The following DEPDC5 variants were observed in gnomAD, a reference collection of about 807,000 sequenced individuals.
DEPDC5 encodes the protein GATOR1 complex protein DEPDC5.
Under a neutral mutation model 217.3 loss-of-function variants are expected in DEPDC5, and 73 were observed. That is an observed-to-expected ratio of 0.34 (90% confidence interval 0.28 to 0.41). The LOEUF (loss-of-function observed/expected upper bound fraction) is 0.41, where lower values mean the gene tolerates loss of function less well. DEPDC5 is among the 10% of genes least tolerant of loss of function. The pLI is 1.00. For missense variants in DEPDC5, 1,675 were observed against 2,070.1 expected (o/e 0.81, Z 3.70); for synonymous variants, 733 against 756.7 (o/e 0.97, Z 0.51).
intron 33 of DEPDC5, among the ~76,000 whole-genome samples, chr22:31,864,784 G>T (rs1001951647): frequency 2.6e-5 from 4 of 151,594 alleles, no homozygotes; most frequent in Non-Finnish European, 2.9e-5. Context: ...CGCCTCCTGG[G>T]TTCAAGTGAT....
chr22:31,828,395 T>G (rs939756930), intron 24 of DEPDC5, among the ~76,000 whole-genome samples: 2 of 136,550 alleles, frequency 1.5e-5, no homozygotes, highest in Admixed American at 8.9e-5. Flanking sequence ...GAGGTTGCAG[T>G]GAGCCAAGGT....
chr22:31,834,032 G>A (rs1197500168), intron 25 of DEPDC5, 52 bp downstream of exon 25: 15 of 1,572,306 alleles, frequency 9.5e-6, no homozygotes, highest in African/African-American at 1.3e-5. Flanking sequence ...GTGTGGGGTG[G>A]TCAGAGCATG....
At chr22:31,827,155 C>A (rs2090216893) in intron 24 of DEPDC5, among the ~76,000 whole-genome samples, 1 of 151,996 alleles carries the variant, frequency 6.6e-6, no homozygotes, top group South Asian at 2.1e-4. Context: ...TAAGTGGGGT[C>A]ATCTTTTCCC....
chr22:31,893,745 C>T lies in DEPDC5; in HGVS notation c.4197C>T (p.Phe1399=), dbSNP rs913663381. ...HWMAVTAAVL[F]EMVQGWHRKA... is the part of the protein sequence containing the mutation. ...TGGCGGTGACCGCAGCAGTACTCTT[C>T]GAGATGGTGAGAACCTTCATGCATG... The change falls in exon 39 of 43, where the codon TTC becomes TTT. Residue 1399 remains phenylalanine, a synonymous_variant. Coordinates refer to ENST00000651528, the MANE Select transcript of DEPDC5 (RefSeq NM_001242896.3). The T allele has an allele frequency of 1.2e-5, 19 of 1,601,474 alleles. No homozygotes were observed. The highest frequency in any genetic ancestry group is 3.5e-5 in the Admixed American group (2 of 57,334).
intron 3 of DEPDC5, among the ~76,000 whole-genome samples, chr22:31,760,100 C>T (rs1191522054): frequency 2.0e-5 from 3 of 149,182 alleles, no homozygotes; most frequent in Non-Finnish European, 4.4e-5. Context: ...CGGAGTCTTG[C>T]TCTGTCGCCC....
At position 31,784,892 on chromosome 22, in the gene DEPDC5, A is replaced by G. The variant is rs536093289; in HGVS notation, c.624+17A>G. ...AAGTGGAAGGTACATTTCTTCTTAC[A>G]CACTAAGTCTCATTATGTAAACATT... On this transcript the variant is annotated intron_variant, in intron 10 of 42. Coordinates refer to ENST00000651528, the MANE Select transcript of DEPDC5 (RefSeq NM_001242896.3). 1 of 1,605,944 alleles carries G rather than the reference A, an allele frequency of 6.2e-7. No homozygotes were observed. The highest frequency in any genetic ancestry group is 1.3e-5 in the African/African-American group (1 of 74,864).
At chr22:31,866,085 G>A (rs1412101548) in intron 33 of DEPDC5, among the ~76,000 whole-genome samples, 1 of 152,176 alleles carries the variant, frequency 6.6e-6, no homozygotes, top group Non-Finnish European at 1.5e-5. Flanking sequence ...ACAAGCCCAC[G>A]AGGTGGAAGG....
At chr22:31,783,087 C>T (rs554691963) in intron 8 of DEPDC5, among the ~76,000 whole-genome samples, 39 of 152,142 alleles carry the variant, frequency 2.6e-4, no homozygotes, top group African/African-American at 9.4e-4. Context: ...CACCAATCAG[C>T]GCTCTGTGTC....
At chr22:31,799,651 A>C (rs2086648419) in intron 14 of DEPDC5, among the ~76,000 whole-genome samples, 1 of 148,926 alleles carries the variant, frequency 6.7e-6, no homozygotes, top group East Asian at 2.0e-4. Flanking sequence ...ACAGGTGTGC[A>C]CCACCATGCC....
rs1244795493 is a variant in DEPDC5, at chr22:31,821,620, T to C, written c.1989T>C (p.Tyr663=). The part of the protein sequence containing the change: ...HSSAELLELA[Y]HEAAGRHSNS... The stretch of plus-strand genomic sequence containing the variant: ...CTGCAGAGCTGCTGGAGTTAGCATA[T>C]CATGAAGCTGCTGGAAGGTGAGGAT... The change falls in exon 23 of 43, where the codon TAT becomes TAC. Residue 663 remains tyrosine, a synonymous_variant. Coordinates refer to ENST00000651528, the MANE Select transcript of DEPDC5 (RefSeq NM_001242896.3). 6.2e-7 allele frequency: 1 copy of C among 1,613,670 alleles called. No homozygotes were observed. Among genetic ancestry groups the C allele is most frequent in the Admixed American group, 1.7e-5 (1 of 60,022 alleles).
At chr22:31,896,444 A>T (rs142605464) in intron 39 of DEPDC5, among the ~76,000 whole-genome samples, 267 of 152,310 alleles carry the variant, frequency 1.8e-3, no homozygotes, top group African/African-American at 5.5e-3. Flanking sequence ...GTTTAAGTCA[A>T]GCTGTGTCCC....
rs1350643478 is a variant in DEPDC5, at chr22:31,906,321, T to C, written c.4636T>C (p.Tyr1546His). ...CATGTTCTGCGAGGAGCGGGTCGGCTACAACTGGGCCTACAACACCATGCT... is the reference window on the plus strand; with the variant it reads ...CATGTTCTGCGAGGAGCGGGTCGGCCACAACTGGGCCTACAACACCATGCT... ...QNMFCEERVGYNWAYNTMLTK... is the reference protein window; with the variant it reads ...QNMFCEERVGHNWAYNTMLTK... The change falls in exon 43 of 43, where the codon TAC (tyrosine) becomes CAC (histidine). Residue 1546 changes from tyrosine (Y) to histidine (H), a missense_variant. Physicochemically the swap from Tyr to His is moderately conservative, Grantham distance 83. Around this residue, in one of 11 missense-constraint regions of DEPDC5, gnomAD observed 42 missense variants for 27.7 expected, o/e 1.51. Transcript: ENST00000651528. The surrounding 1 kb of genome is among the most constrained non-coding windows in gnomAD (Gnocchi z 5.1). 3.7e-6 allele frequency: 6 copies of C among 1,613,856 alleles called. No homozygotes were observed. The highest frequency in any genetic ancestry group is 1.3e-5 in the African/African-American group (1 of 74,956).
intron 3 of DEPDC5, 110 bp downstream of exon 3, chr22:31,758,743 T>G: frequency 9.3e-7 from 1 of 1,073,028 alleles, no homozygotes; most frequent in Non-Finnish European, 1.4e-6. Flanking sequence ...GATGGCTCAA[T>G]CCTGTAATTC....
At chr22:31,850,549 C>G (rs1007975977) in intron 31 of DEPDC5, among the ~76,000 whole-genome samples, 6 of 152,188 alleles carry the variant, frequency 3.9e-5, no homozygotes, top group African/African-American at 1.4e-4. Context: ...GGGCTTGGTA[C>G]TATCCTAGGT....
chr22:31,835,468 T>A (rs2090924247), intron 25 of DEPDC5, among the ~76,000 whole-genome samples: 2 of 152,206 alleles, frequency 1.3e-5, no homozygotes, highest in African/African-American at 4.8e-5. Flanking sequence ...TTTCTCATCA[T>A]GAGATCTCGA....
chr22:31,815,218 A>C lies in DEPDC5; in HGVS notation c.1666+6A>C. ...GGGATACACCAGCACTCGAGGTAAG[A>C]GTGCTGAAGCACAGACAGAGCCAGG... On this transcript the variant is annotated splice_donor_region_variant and intron_variant, in intron 21 of 42. Coordinates refer to ENST00000651528, the MANE Select transcript of DEPDC5 (RefSeq NM_001242896.3). 6.2e-7 allele frequency: 1 copy of C among 1,614,148 alleles called. No homozygotes were observed. The highest frequency in any genetic ancestry group is 1.3e-5 in the African/African-American group (1 of 75,032).
At chr22:31,786,381 T>C (rs1483458777) in intron 10 of DEPDC5, among the ~76,000 whole-genome samples, 1 of 149,412 alleles carries the variant, frequency 6.7e-6, no homozygotes, top group Non-Finnish European at 1.5e-5. Flanking sequence ...ATGGAAAACT[T>C]TGTCTCCACA....
intron 10 of DEPDC5, among the ~76,000 whole-genome samples, chr22:31,788,771 T>G (rs2085306409): frequency 6.6e-6 from 1 of 152,064 alleles, no homozygotes; most frequent in Non-Finnish European, 1.5e-5. Flanking sequence ...AGACGGGGTT[T>G]CACCATGTTG....
chr22:31,836,147 T>A (rs1322651038), intron 25 of DEPDC5, among the ~76,000 whole-genome samples: 1 of 152,176 alleles, frequency 6.6e-6, no homozygotes, highest in Non-Finnish European at 1.5e-5. Context: ...AGGATTTCCC[T>A]CCCCCAGGGG....
Sources: gnomAD v4.1 joint callset for allele counts (sites outside exome capture counted in the v4.1 genomes callset) on GRCh38, gnomAD v4.1.1 for gene constraint, gnomAD v4.1.1 regional missense constraint, Gnocchi (gnomAD v3.1) non-coding constraint, MANE v1.5 for transcripts, NCBI Gene and HGNC (gene_info 2026-07-23, HGNC 2026-07-21) for gene names.